The following SYK variants were observed in gnomAD, a reference collection of about 807,000 sequenced individuals.
The protein encoded by SYK is spleen associated tyrosine kinase.
A neutral mutation model predicts 77.8 loss-of-function variants in SYK; 16 were observed. The ratio of observed to expected loss-of-function variants is 0.21; its 90% CI spans 0.14 to 0.31. The LOEUF (loss-of-function observed/expected upper bound fraction) is 0.31. SYK is among the 10% of genes least tolerant of loss of function. SYK has a pLI of 1.00. For missense variants in SYK, 529 were observed against 814.4 expected (o/e 0.65, Z 4.26); for synonymous variants, 312 against 308.7 (o/e 1.01, Z -0.11).
chr9:90,874,931 G>T, intron 9 of SYK, 82 bp downstream of exon 9: 1 of 1,494,772 alleles, frequency 6.7e-7, no homozygotes, highest in Non-Finnish European at 9.1e-7. Context: ...ATGTAACCTG[G>T]CATGACTAAA....
At position 90,877,787 on chromosome 9, in the gene SYK, T is replaced by G. The variant is rs776012581; in HGVS notation, c.1391+7T>G. 1.9e-6 allele frequency: 3 copies of G among 1,613,906 alleles called. No homozygotes were observed. The South Asian group carries it at 3.3e-5, about 18-fold the overall frequency. ...AGTATTTGCAGCAGAACAGGTATTGTCAGGTGCCCCCACACATCTGGAAGC... is the reference window on the plus strand; with the variant it reads ...AGTATTTGCAGCAGAACAGGTATTGGCAGGTGCCCCCACACATCTGGAAGC... On this transcript the variant is annotated splice_region_variant and intron_variant, in intron 10 of 13. Coordinates refer to ENST00000375754, the MANE Select transcript of SYK (RefSeq NM_003177.7).
chr9:90,833,774 G>A (rs1241846337), intron 1 of SYK, among the ~76,000 whole-genome samples: 1 of 152,212 alleles, frequency 6.6e-6, no homozygotes, highest in Non-Finnish European at 1.5e-5. Context: ...GGCAAAGGTT[G>A]TATAGTCAGC....
chr9:90,822,172 G>T (rs1411647182), intron 1 of SYK, among the ~76,000 whole-genome samples: 2 of 152,166 alleles, frequency 1.3e-5, no homozygotes, highest in African/African-American at 4.8e-5. Flanking sequence ...TACAAAGCAA[G>T]GAAATAATTT....
Position 90,861,090 on chromosome 9 carries a change from A to G in SYK, c.579-1116A>G, listed in dbSNP as rs10993730. ...GGGCTGCAGCTGTGGAGAGGGGAGA[A>G]TGGGGCAGTGTGTGTGACTACGAAG... On this transcript the variant is annotated intron_variant, in intron 3 of 13. Transcript: ENST00000375754. Among the ~76,000 whole-genome samples the G allele has an allele frequency of 0.025, 3,737 of 152,244 alleles. 230 individuals are homozygous for G. In the East Asian group the frequency reaches 0.26, roughly 10 times the overall value.
chr9:90,854,650 C>A (rs1191112190), intron 3 of SYK, among the ~76,000 whole-genome samples: 1 of 152,040 alleles, frequency 6.6e-6, no homozygotes, highest in Non-Finnish European at 1.5e-5. Context: ...AGATAAAAAG[C>A]GCAGAAACCC....
intron 4 of SYK, among the ~76,000 whole-genome samples, chr9:90,864,269 G>A (rs1422926013): frequency 1.1e-4 from 17 of 152,288 alleles, no homozygotes; most frequent in Admixed American, 1.0e-3. Context: ...AGAATGGTTT[G>A]TATGCTGTTA....
chr9:90,808,998 T>G lies in SYK; in HGVS notation c.-42+7105T>G, dbSNP rs555004087. Among the ~76,000 whole-genome samples, 106 of 152,356 alleles carry G rather than the reference T, an allele frequency of 7.0e-4. 1 individual carries two copies. Among genetic ancestry groups the G allele is most frequent in the African/African-American group, 2.5e-3 (105 of 41,582 alleles). ...ATACTGTTTTTCATGTTTCTTCCCCTTCTCTGCATTTATAGCTGTGCATAT... is the reference window on the plus strand; with the variant it reads ...ATACTGTTTTTCATGTTTCTTCCCCGTCTCTGCATTTATAGCTGTGCATAT... On this transcript the variant is annotated intron_variant, in intron 1 of 13. Transcript: ENST00000375754.
chr9:90,873,209 G>A (rs1037733358), intron 7 of SYK, among the ~76,000 whole-genome samples: 1 of 152,118 alleles, frequency 6.6e-6, no homozygotes, highest in African/African-American at 2.4e-5. Context: ...TAAGATAAGT[G>A]ACTGTCACGT....
chr9:90,891,372 C>T lies in SYK; in HGVS notation c.1835+2745C>T, dbSNP rs560761336. 2.6e-5 allele frequency among the ~76,000 whole-genome samples: 4 copies of T among 152,122 alleles called. No individual in the cohort carries two copies. In the South Asian group the frequency reaches 8.3e-4, roughly 32 times the overall value. ...CCGTGTTAGTCAGGATGGTCTCGAT[C>T]TCCTGACCTCATGATCCGCCCGCCT... On this transcript the variant is annotated intron_variant, in intron 13 of 13. Transcript: ENST00000375754.
At chr9:90,803,934 A>C (rs998780118) in intron 1 of SYK, among the ~76,000 whole-genome samples, 3 of 152,074 alleles carry the variant, frequency 2.0e-5, no homozygotes, top group African/African-American at 7.2e-5. Flanking sequence ...ATTCTCACTA[A>C]GTGGAATAAA....
chr9:90,858,463 C>T (rs915305467), intron 3 of SYK, among the ~76,000 whole-genome samples: 1 of 152,252 alleles, frequency 6.6e-6, no homozygotes, highest in Non-Finnish European at 1.5e-5. Context: ...CTTCTGTGAA[C>T]AGCCTGAGGC....
At position 90,845,425 on chromosome 9, in the gene SYK, A is replaced by G; in HGVS notation, c.418-9A>G. ...TATGGTTTACTCTGCTTTGCTCTCC[A>G]TGTGGCAGGGTCAGGCTCTGGAGCA... On this transcript the variant is annotated splice_polypyrimidine_tract_variant and intron_variant, in intron 2 of 13. Coordinates refer to ENST00000375754, the MANE Select transcript of SYK (RefSeq NM_003177.7). 1 of 1,612,462 alleles carries G rather than the reference A, an allele frequency of 6.2e-7. No homozygotes were observed. The highest frequency in any genetic ancestry group is 2.2e-5 in the East Asian group (1 of 44,850).
At chr9:90,812,741 A>ATGTGTGTGTG (rs759021735) in intron 1 of SYK, among the ~76,000 whole-genome samples, 1,748 of 109,736 alleles carry the variant, frequency 0.016, 19 homozygotes, top group African/African-American at 0.024. Context: ...CCCATTTGAT[A>ATGTGTGTGTG]TGTGTGTGTG....
intron 4 of SYK, among the ~76,000 whole-genome samples, chr9:90,864,323 G>C (rs1403382297): frequency 6.6e-6 from 1 of 152,232 alleles, no homozygotes; most frequent in Non-Finnish European, 1.5e-5. Flanking sequence ...AAAGGACACA[G>C]ATACGGTATG....
intron 7 of SYK, among the ~76,000 whole-genome samples, chr9:90,872,367 A>G (rs1376282957): frequency 6.6e-6 from 1 of 152,164 alleles, no homozygotes; most frequent in Admixed American, 6.5e-5. Context: ...TTGTCTTTGG[A>G]TCTCAGAATG....
Position 90,843,849 on chromosome 9 carries a change from C to T in SYK, c.-41-9C>T. 7.0e-7 allele frequency: 1 copy of T among 1,433,684 alleles called. No homozygotes were observed. Among genetic ancestry groups the T allele is most frequent in the Non-Finnish European group, 9.1e-7 (1 of 1,094,432 alleles). 88.8% of individuals were successfully genotyped at this position (1,433,684 alleles called of 1,614,324 possible). A position where few individuals can be genotyped will look rare whatever the true frequency, so the allele number is the denominator to read the frequency against. ...CCTCACCAAAGTTCTCTGTCTCTGT[C>T]TTGCCCAGGTGGACACCTGCGCAGG... is the stretch of plus-strand genomic sequence containing the variant. On this transcript the variant is annotated splice_polypyrimidine_tract_variant and intron_variant, in intron 1 of 13. Transcript: ENST00000375754.
intron 1 of SYK, among the ~76,000 whole-genome samples, chr9:90,840,055 A>C (rs1180119626): frequency 2.6e-5 from 4 of 151,990 alleles, no homozygotes; most frequent in Non-Finnish European, 5.9e-5. Flanking sequence ...AGCAGTGGAA[A>C]GGACAGGGTT....
At chr9:90,820,965 C>T (rs188539345) in intron 1 of SYK, among the ~76,000 whole-genome samples, 7 of 152,010 alleles carry the variant, frequency 4.6e-5, no homozygotes, top group Non-Finnish European at 1.0e-4. Context: ...CCTAAATCAT[C>T]GCTCTCAAGT....
intron 1 of SYK, among the ~76,000 whole-genome samples, chr9:90,807,559 C>A (rs550852808): frequency 6.6e-6 from 1 of 152,292 alleles, no homozygotes; most frequent in African/African-American, 2.4e-5. Flanking sequence ...ACTGACATAA[C>A]TGTCAGAGCC....
Sources: allele counts gnomAD v4.1 joint callset (sites outside exome capture counted in the v4.1 genomes callset), GRCh38; gene constraint gnomAD v4.1.1; transcripts MANE v1.5; gene names NCBI Gene and HGNC (gene_info 2026-07-23, HGNC 2026-07-21).